The following GRM3 variants were observed in gnomAD, a reference collection of about 807,000 sequenced individuals.
The protein encoded by GRM3 is glutamate metabotropic receptor 3.
Under a neutral mutation model 70.5 loss-of-function variants are expected in GRM3, and 26 were observed. The ratio of observed to expected loss-of-function variants is 0.37; its 90% confidence interval spans 0.27 to 0.51. GRM3 has a LOEUF of 0.51. Among genes scored for constraint, GRM3 ranks in the 20% least tolerant of loss-of-function variants. The pLI, the probability that GRM3 is intolerant of heterozygous loss-of-function variation, is 0.93. For synonymous variants in GRM3, 443 were observed against 434.9 expected, an observed-to-expected ratio of 1.02 and a Z score of -0.23; for missense variants, 859 against 1,123.8, an observed-to-expected ratio of 0.76 and a Z score of 3.37.
intron 2 of GRM3, among the ~76,000 whole-genome samples, chr7:86,769,416 CT>C (rs1796685108): frequency 6.6e-6 from 1 of 152,086 alleles, no homozygotes; most frequent in Admixed American, 6.6e-5. Context: ...TGAGAGAGAA[CT>C]TTAGAGAATG....
chr7:86,690,402 A>G (rs1189683468), intron 1 of GRM3, among the ~76,000 whole-genome samples: 1 of 152,174 alleles, frequency 6.6e-6, no homozygotes, highest in Non-Finnish European at 1.5e-5. Context: ...GATCTGCTTT[A>G]TATTTTAGGA....
chr7:86,650,373 A>T (rs1219301418), intron 1 of GRM3, among the ~76,000 whole-genome samples: 2 of 151,986 alleles, frequency 1.3e-5, no homozygotes, highest in East Asian at 1.9e-4. Flanking sequence ...TATTTTAATT[A>T]ATTTATTTAT....
chr7:86,701,346 A>G (rs1527763), intron 1 of GRM3, among the ~76,000 whole-genome samples: 1,996 of 152,036 alleles, frequency 0.013, 38 homozygotes, highest in African/African-American at 0.046. Context: ...GTCTCAACAT[A>G]GAATCCTAAT....
Position 86,656,260 on chromosome 7 carries a change from C to CTTTT in GRM3, c.-141+11408_-141+11411dup, listed in dbSNP as rs1165969016. Among the ~76,000 whole-genome samples, 435 of 83,254 alleles carry CTTTT rather than the reference C, an allele frequency of 5.2e-3. 28 individuals are homozygous for CTTTT. The highest frequency in any genetic ancestry group is 0.013 in the African/African-American group (257 of 20,486). The allele number at this position is 83,254 out of a possible 152,430, so 54.6% of individuals were successfully genotyped here. On this transcript the variant is annotated intron_variant, in intron 1 of 5. Transcript: ENST00000361669. ...CCATTTTGTGACACTATACTATGTT[C>CTTTT]TTTTTTTTTTTTTTTTTTTTTTTGA...
chr7:86,679,596 T>TAAAGAGA (rs544970679), intron 1 of GRM3, among the ~76,000 whole-genome samples: 3,026 of 152,094 alleles, frequency 0.02, 104 homozygotes, highest in African/African-American at 0.069. Context: ...GATCTCTTTA[T>TAAAGAGA]TATGTACATC....
At chr7:86,826,976 A>T (rs2116702119) in intron 3 of GRM3, among the ~76,000 whole-genome samples, 1 of 152,334 alleles carries the variant, frequency 6.6e-6, no homozygotes, top group South Asian at 2.1e-4. Flanking sequence ...GATTCTAATA[A>T]GTCTAATTGT....
intron 1 of GRM3, among the ~76,000 whole-genome samples, chr7:86,736,506 G>A (rs970811277): frequency 1.3e-5 from 2 of 152,118 alleles, no homozygotes; most frequent in Non-Finnish European, 2.9e-5. Context: ...AGACAGAGTC[G>A]TGCTCTGTTG....
intron 1 of GRM3, among the ~76,000 whole-genome samples, chr7:86,654,371 CAG>C (rs1240349415): frequency 2.6e-5 from 4 of 152,188 alleles, no homozygotes; most frequent in Non-Finnish European, 4.4e-5. Flanking sequence ...TCAGGAATCT[CAG>C]AGACAAAACT....
At chr7:86,688,076 C>T (rs114272489) in intron 1 of GRM3, among the ~76,000 whole-genome samples, 2,297 of 151,520 alleles carry the variant, frequency 0.015, 19 homozygotes, top group African/African-American at 0.031. Flanking sequence ...TAAAAAAAAT[C>T]TGCATTTCAC....
At chr7:86,784,645 G>C (rs569706783) in intron 2 of GRM3, 1 of 152,318 alleles carries the variant, frequency 6.6e-6, no homozygotes, top group East Asian at 1.9e-4. Context: ...ATTTTGTCCA[G>C]AGTCTCCTAG....
At chr7:86,748,693 T>C (rs1796161730) in intron 1 of GRM3, among the ~76,000 whole-genome samples, 1 of 152,054 alleles carries the variant, frequency 6.6e-6, no homozygotes. Context: ...GGAGAGTGGC[T>C]ATTTAGAGAA....
At chr7:86,689,485 T>C (rs1016836388) in intron 1 of GRM3, among the ~76,000 whole-genome samples, 1 of 152,200 alleles carries the variant, frequency 6.6e-6, no homozygotes, top group African/African-American at 2.4e-5. Context: ...ATAAGTTATG[T>C]CTCTTTATTC....
At chr7:86,670,193 G>T (rs778863699) in intron 1 of GRM3, among the ~76,000 whole-genome samples, 25 of 152,098 alleles carry the variant, frequency 1.6e-4, no homozygotes, top group Non-Finnish European at 3.2e-4. Context: ...ACAAAAATTT[G>T]TGCCTGTGTG....
At chr7:86,849,090 T>C (rs1798709316) in intron 4 of GRM3, among the ~76,000 whole-genome samples, 1 of 152,106 alleles carries the variant, frequency 6.6e-6, no homozygotes, top group African/African-American at 2.4e-5. Context: ...TGGATTTGTC[T>C]CCCCCTCCCA....
Position 86,810,485 on chromosome 7 carries a change from A to C in GRM3, c.1324+23369A>C, listed in dbSNP as rs978207951. The stretch of plus-strand genomic sequence containing the variant: ...TTCGTTCCACTTCACTGAAAATAAC[A>C]AGGTAATCTTATGTGGTTCCTCCAA... On this transcript the variant is annotated intron_variant, in intron 3 of 5. Coordinates refer to ENST00000361669, the MANE Select transcript of GRM3 (RefSeq NM_000840.3). Among the ~76,000 whole-genome samples, 9 of 152,146 alleles carry C rather than the reference A, an allele frequency of 5.9e-5. No homozygotes were observed. In the South Asian group the frequency reaches 1.0e-3, roughly 17 times the overall value.
At chr7:86,818,152 C>T (rs1439517157) in intron 3 of GRM3, among the ~76,000 whole-genome samples, 1 of 151,998 alleles carries the variant, frequency 6.6e-6, no homozygotes, top group Admixed American at 6.6e-5. Flanking sequence ...CCTGAAAGAC[C>T]AGCTCTGCTT....
chr7:86,699,574 G>A (rs960106120), intron 1 of GRM3, among the ~76,000 whole-genome samples: 41 of 152,008 alleles, frequency 2.7e-4, no homozygotes, highest in African/African-American at 9.7e-4. Context: ...TAGGGAACTT[G>A]TGTTTTCTTC....
intron 3 of GRM3, among the ~76,000 whole-genome samples, chr7:86,811,846 T>G (rs1797914310): frequency 6.7e-6 from 1 of 149,160 alleles, no homozygotes; most frequent in Non-Finnish European, 1.5e-5. Flanking sequence ...TCTCTTCCCC[T>G]TCCTCAACCT....
intron 1 of GRM3, among the ~76,000 whole-genome samples, chr7:86,646,460 A>C (rs1194338504): frequency 1.3e-5 from 2 of 152,200 alleles, no homozygotes; most frequent in Non-Finnish European, 2.9e-5. Flanking sequence ...AGAGTAACAC[A>C]GGAGCTCAGG....
Sources: allele counts gnomAD v4.1 joint callset (sites outside exome capture counted in the v4.1 genomes callset), GRCh38; gene constraint gnomAD v4.1.1; transcripts MANE v1.5; gene names NCBI Gene and HGNC (gene_info 2026-07-23, HGNC 2026-07-21).